The following SRGAP3 variants were observed in gnomAD, a reference collection of about 807,000 sequenced individuals.
SRGAP3 encodes SLIT-ROBO Rho GTPase-activating protein 3.
Under a neutral mutation model 121.1 loss-of-function variants are expected in SRGAP3, and 39 were observed. The ratio of observed to expected loss-of-function variants is 0.32; its 90% CI spans 0.25 to 0.42. The LOEUF is 0.42. Ranked by LOEUF, SRGAP3 falls within the 10% of genes least tolerant of loss-of-function variation. SRGAP3 has a pLI of 1.00. For missense variants in SRGAP3, 1,213 were observed against 1,470.6 expected, an observed-to-expected ratio of 0.82 and a Z score of 2.86; for synonymous variants, 601 against 570.0, an observed-to-expected ratio of 1.05 and a Z score of -0.77.
At chr3:9,305,355 G>A (rs970378950) in intron 3 of SRGAP3, among the ~76,000 whole-genome samples, 2 of 146,416 alleles carry the variant, frequency 1.4e-5, no homozygotes, top group African/African-American at 5.1e-5. Context: ...CCTCACAGGA[G>A]GTCCTCTCTT....
At chr3:9,113,042 C>T (rs1471835989) in intron 2 of SRGAP3, among the ~76,000 whole-genome samples, 1 of 152,194 alleles carries the variant, frequency 6.6e-6, no homozygotes, top group Non-Finnish European at 1.5e-5. Context: ...CTAGAACTGA[C>T]AGAAAGTGAG....
chr3:9,223,740 T>C (rs556680889), intron 1 of SRGAP3, among the ~76,000 whole-genome samples: 79 of 152,218 alleles, frequency 5.2e-4, no homozygotes, highest in Non-Finnish European at 7.8e-4. Context: ...CCAGCCATTA[T>C]GAGGACAGAC....
intron 3 of SRGAP3, among the ~76,000 whole-genome samples, chr3:9,315,294 C>T (rs1955325179): frequency 6.6e-6 from 1 of 152,222 alleles, no homozygotes; most frequent in Admixed American, 6.5e-5. Flanking sequence ...TGCCTCTCTC[C>T]CACCAATCCC....
chr3:9,107,267 C>T (rs1186694435), intron 2 of SRGAP3, among the ~76,000 whole-genome samples: 1 of 152,200 alleles, frequency 6.6e-6, no homozygotes, highest in Admixed American at 6.5e-5. Context: ...GGCCGTGATG[C>T]ACACTCTGCC....
chr3:9,318,719 A>T (rs1262571341), intron 3 of SRGAP3, among the ~76,000 whole-genome samples: 1 of 151,426 alleles, frequency 6.6e-6, no homozygotes, highest in African/African-American at 2.4e-5. Context: ...ACAAAAAAAA[A>T]AAAAATTTAA....
chr3:9,356,197 T>C (rs142801010), intron 1 of SRGAP3, among the ~76,000 whole-genome samples: 2,772 of 142,960 alleles, frequency 0.019, 51 homozygotes, highest in Non-Finnish European at 0.031. Flanking sequence ...TTTTTCTTTT[T>C]TTTTTTTTTT....
intron 10 of SRGAP3, among the ~76,000 whole-genome samples, chr3:9,045,645 C>T (rs1945232282): frequency 6.6e-6 from 1 of 152,136 alleles, no homozygotes. Flanking sequence ...ATAAGGGCCG[C>T]AGGAAGACAA....
chr3:9,268,916 A>G (rs1474069112), intron 3 of SRGAP3, among the ~76,000 whole-genome samples: 2 of 152,112 alleles, frequency 1.3e-5, no homozygotes. Flanking sequence ...GAGACATCCA[A>G]CGCTGTCCCT....
intron 1 of SRGAP3, among the ~76,000 whole-genome samples, chr3:9,245,146 C>T (rs904402898): frequency 6.6e-6 from 1 of 152,164 alleles, no homozygotes; most frequent in African/African-American, 2.4e-5. Context: ...AAACATAAAG[C>T]TCTCATCCAG....
chr3:9,086,808 A>ATGTATTTTATATGTATATATGTATTAC (rs1433080266), intron 3 of SRGAP3, among the ~76,000 whole-genome samples: 2 of 147,904 alleles, frequency 1.4e-5, no homozygotes, highest in African/African-American at 4.9e-5. Flanking sequence ...ATATACATAT[A>ATGTATTTTATATGTATATATGTATTAC]ATATACATAT....
chr3:9,246,042 C>A (rs987093211), intron 1 of SRGAP3, among the ~76,000 whole-genome samples: 5 of 152,216 alleles, frequency 3.3e-5, no homozygotes, highest in African/African-American at 1.2e-4. Context: ...TGGTTTACTA[C>A]TGCTTCATAA....
chr3:9,104,982 G>C, intron 2 of SRGAP3, 140 bp from the exon 3 acceptor site: 1 of 1,056,168 alleles, frequency 9.5e-7, no homozygotes, highest in Non-Finnish European at 1.4e-6. Context: ...TATACAGTTG[G>C]GGAAACAGGC....
At chr3:9,182,724 G>A (rs1245482598) in intron 1 of SRGAP3, among the ~76,000 whole-genome samples, 3 of 152,126 alleles carry the variant, frequency 2.0e-5, no homozygotes, top group African/African-American at 7.2e-5. Flanking sequence ...CACAATCACA[G>A]CTCACTGCAG....
chr3:9,010,649 G>A (rs1369455992), intron 17 of SRGAP3, among the ~76,000 whole-genome samples: 1 of 152,158 alleles, frequency 6.6e-6, no homozygotes, highest in African/African-American at 2.4e-5. Context: ...TCTTCTTGGT[G>A]AAGTCTGTCA....
intron 2 of SRGAP3, among the ~76,000 whole-genome samples, chr3:9,108,821 A>G (rs1434298174): frequency 1.3e-5 from 2 of 152,156 alleles, no homozygotes; most frequent in Non-Finnish European, 2.9e-5. Context: ...TCTTAGTTCA[A>G]AAGAGAAATA....
chr3:9,031,889 C>T (rs1361630740), intron 12 of SRGAP3, among the ~76,000 whole-genome samples: 1 of 152,182 alleles, frequency 6.6e-6, no homozygotes, highest in Non-Finnish European at 1.5e-5. Context: ...GTGCTTCTCC[C>T]CTTCCTCAAG....
intron 3 of SRGAP3, among the ~76,000 whole-genome samples, chr3:9,309,798 G>A (rs994745942): frequency 1.3e-5 from 2 of 152,174 alleles, no homozygotes; most frequent in Non-Finnish European, 1.5e-5. Flanking sequence ...GGTCGAGGCT[G>A]CAGGGAGCCA....
intron 1 of SRGAP3, among the ~76,000 whole-genome samples, chr3:9,191,964 C>T (rs987636163): frequency 1.8e-4 from 27 of 152,212 alleles, no homozygotes; most frequent in African/African-American, 6.0e-4. Context: ...TCGTAAGTTT[C>T]CTGAGGCCTC....
chr3:9,054,686 G>A (rs1396968053), intron 8 of SRGAP3, among the ~76,000 whole-genome samples: 2 of 152,200 alleles, frequency 1.3e-5, no homozygotes, highest in African/African-American at 4.8e-5. Context: ...GTATTTTACA[G>A]AGTTTGACTC....
Sources: allele counts gnomAD v4.1 joint callset (sites outside exome capture counted in the v4.1 genomes callset), GRCh38; gene constraint gnomAD v4.1.1; transcripts MANE v1.5; gene names NCBI Gene and HGNC (gene_info 2026-07-23, HGNC 2026-07-21).